ZNF777: variants seen among roughly 807,000 people sequenced by gnomAD.
ZNF777 encodes the protein zinc finger protein 777.
In ZNF777, 7 loss-of-function variants were observed where a neutral mutation model predicts 72.1. The ratio of observed to expected loss-of-function variants is 0.10; its 90% CI spans 0.06 to 0.18. The LOEUF (loss-of-function observed/expected upper bound fraction) is 0.18, where lower values mean the gene tolerates loss of function less well. Among genes scored for constraint, ZNF777 ranks in the 10% least tolerant of loss-of-function variants. ZNF777 has a pLI of 1.00. For missense variants in ZNF777, 828 were observed against 1,128.6 expected, an observed-to-expected ratio of 0.73 and a Z score of 3.82; for synonymous variants, 545 against 483.5, an observed-to-expected ratio of 1.13 and a Z score of -1.67.
chr7:149,448,505 AT>A (rs1563237658), intron 4 of ZNF777, among the ~76,000 whole-genome samples: 12 of 133,890 alleles, frequency 9.0e-5, no homozygotes, highest in South Asian at 2.3e-4. Context: ...ATATATATAT[AT>A]ATATAACTAT....
chr7:149,454,291 A>C, intron 2 of ZNF777, 54 bp from the exon 3 acceptor site: 1 of 1,607,630 alleles, frequency 6.2e-7, no homozygotes, highest in Non-Finnish European at 8.5e-7. Flanking sequence ...TGACAGGCCC[A>C]CGGCTGGCCA....
chr7:149,454,267 C>T (rs1187801766), intron 2 of ZNF777, 30 bp from the exon 3 acceptor site: 1 of 1,613,052 alleles, frequency 6.2e-7, no homozygotes. Context: ...CGGCTCAGAC[C>T]CGCTGGAAGG....
Position 149,455,853 on chromosome 7 carries a change from G to A in ZNF777, c.170C>T (p.Pro57Leu). 1 of 1,614,018 alleles carries A rather than the reference G, an allele frequency of 6.2e-7. No homozygotes were observed. Among genetic ancestry groups the A allele is most frequent in the Non-Finnish European group, 8.5e-7 (1 of 1,180,010 alleles). Residue 57 changes from proline to leucine, a missense_variant, in exon 2 of 6, where the codon CCC (proline) becomes CTC (leucine). Around this residue, in one of 12 missense-constraint regions of ZNF777, gnomAD observed 222 missense variants for 211.2 expected, o/e 1.05. Coordinates refer to ENST00000247930, the MANE Select transcript of ZNF777 (RefSeq NM_015694.3). The surrounding 1 kb of genome is among the most constrained non-coding windows in gnomAD (Gnocchi z 4.2). ...TTGCTTGGGAGCACTGGAAGTTTGGGGCAGGGAGCCTTGACGGGGAATGGT... is the reference window on the plus strand; with the variant it reads ...TTGCTTGGGAGCACTGGAAGTTTGGAGCAGGGAGCCTTGACGGGGAATGGT... ...SPTIPRQGSLPQTSSAPKQET... is the reference protein window; with the variant it reads ...SPTIPRQGSLLQTSSAPKQET...
intron 4 of ZNF777, among the ~76,000 whole-genome samples, chr7:149,443,007 G>C (rs1475187384): frequency 6.6e-6 from 1 of 152,152 alleles, no homozygotes; most frequent in Admixed American, 6.5e-5. Flanking sequence ...GATTTGCCAG[G>C]ATCTATTAAA....
At chr7:149,458,016 C>T (rs1403322470) in intron 1 of ZNF777, among the ~76,000 whole-genome samples, 1 of 152,194 alleles carries the variant, frequency 6.6e-6, no homozygotes, top group Non-Finnish European at 1.5e-5. Flanking sequence ...TCCTTTTTAC[C>T]TCTAAAATCC....
intron 4 of ZNF777, among the ~76,000 whole-genome samples, chr7:149,446,689 C>G (rs1799609175): frequency 6.6e-6 from 1 of 152,082 alleles, no homozygotes; most frequent in South Asian, 2.1e-4. Context: ...TAGCAATCCC[C>G]ATCTTAGGCA....
Position 149,431,645 on chromosome 7 carries a change from G to A in ZNF777, c.*131C>T, listed in dbSNP as rs1364878432. 2.3e-6 allele frequency: 2 copies of A among 861,674 alleles called. No homozygotes were observed. The highest frequency in any genetic ancestry group is 3.2e-6 in the Non-Finnish European group (2 of 633,270). The allele number at this position is 861,674 out of a possible 1,614,324, so 53.4% of individuals were successfully genotyped here. On this transcript the variant is annotated 3_prime_UTR_variant, in exon 6 of 6. Coordinates refer to ENST00000247930, the MANE Select transcript of ZNF777 (RefSeq NM_015694.3). ...CCCATGTCCTTGGGAGGAGGGACGA[G>A]AGGAGAGGGGGAGCTCACGGCAAAG...
intron 4 of ZNF777, among the ~76,000 whole-genome samples, chr7:149,441,376 T>A (rs916679614): frequency 2.0e-5 from 3 of 152,318 alleles, no homozygotes; most frequent in African/African-American, 7.2e-5. Context: ...AACAAAAAAA[T>A]TTATGTATAA....
intron 4 of ZNF777, among the ~76,000 whole-genome samples, chr7:149,444,749 G>A (rs1021372768): frequency 1.3e-5 from 2 of 152,172 alleles, no homozygotes; most frequent in Non-Finnish European, 2.9e-5. Flanking sequence ...AATGTCTGAG[G>A]CCATTCTAAT....
Position 149,432,757 on chromosome 7 carries a change from G to T in ZNF777, c.1515C>A (p.Pro505=). 1 of 1,610,870 alleles carries T rather than the reference G, an allele frequency of 6.2e-7. No homozygotes were observed. The highest frequency in any genetic ancestry group is 1.1e-5 in the South Asian group (1 of 90,942). ...MSPEGEESPP[P]LQLGNPAVKR... is the part of the protein sequence containing the mutation. ...TCACTGCGGGGTTTCCTAGCTGCAG[G>T]GGCGGGGGGCTCTCCTCGCCCTCGG... The change falls in exon 6 of 6, where the codon CCC becomes CCA. Residue 505 remains proline, a synonymous_variant. Coordinates refer to ENST00000247930, the MANE Select transcript of ZNF777 (RefSeq NM_015694.3).
chr7:149,455,667 G>A lies in ZNF777; in HGVS notation c.356C>T (p.Ser119Phe). The change falls in exon 2 of 6, where the codon TCC becomes TTC. Residue 119 changes from serine (S) to phenylalanine (F), a missense_variant. This residue lies in a region of ZNF777 where 222 missense variants were observed against 211.2 expected (regional missense o/e 1.05). Transcript: ENST00000247930. The surrounding 1 kb of genome is among the most constrained non-coding windows in gnomAD (Gnocchi z 4.2). Reference protein sequence around the residue: ...AAAEQEVSLLSHSPHHQEAPV... With the variant: ...AAAEQEVSLLFHSPHHQEAPV... ...GGCTTCCTGGTGGTGGGGGGAGTGG[G>A]AGAGAAGGGAGACTTCTTGTTCAGC... 6.4e-7 allele frequency: 1 copy of A among 1,566,876 alleles called. No homozygotes were observed. Among genetic ancestry groups the A allele is most frequent in the Non-Finnish European group, 8.6e-7 (1 of 1,156,902 alleles).
At chr7:149,452,487 G>A (rs1205246497) in intron 3 of ZNF777, among the ~76,000 whole-genome samples, 1 of 151,166 alleles carries the variant, frequency 6.6e-6, no homozygotes, top group African/African-American at 2.4e-5. Flanking sequence ...AAAAAAATTA[G>A]CCAGGAGCAG....
chr7:149,443,614 C>T lies in ZNF777; in HGVS notation c.1088-6788G>A, dbSNP rs141085488. 9.9e-3 allele frequency among the ~76,000 whole-genome samples: 1,513 copies of T among 152,194 alleles called. 22 individuals are homozygous for T. Among genetic ancestry groups the T allele is most frequent in the African/African-American group, 0.034 (1,422 of 41,530 alleles). On this transcript the variant is annotated intron_variant, in intron 4 of 5. Transcript: ENST00000247930. ...TATACATGCACATAGGCTAGTGGAA[C>T]ATAGTTGAACAGTTCTTCAAAACTT...
At position 149,457,709 on chromosome 7, in the gene ZNF777, C is replaced by T. The variant is rs746640553; in HGVS notation, c.-15-1672G>A. On this transcript the variant is annotated intron_variant, in intron 1 of 5. Coordinates refer to ENST00000247930, the MANE Select transcript of ZNF777 (RefSeq NM_015694.3). ...GATAGTATCGTCTAATAGCCTCTGCCGCGAACCAGACATGAGCGCTAATCA... is the reference window on the plus strand; with the variant it reads ...GATAGTATCGTCTAATAGCCTCTGCTGCGAACCAGACATGAGCGCTAATCA... Among the ~76,000 whole-genome samples the T allele has an allele frequency of 2.6e-3, 397 of 152,294 alleles. 4 individuals carry two copies. Among genetic ancestry groups the T allele is most frequent in the African/African-American group, 9.1e-3 (378 of 41,548 alleles).
chr7:149,452,632 C>CA (rs869183800), intron 3 of ZNF777, among the ~76,000 whole-genome samples: 5,684 of 72,678 alleles, frequency 0.078, 286 homozygotes, highest in Middle Eastern at 0.2. Flanking sequence ...GACTCTGTCT[C>CA]AAAAAAAAAA....
intron 4 of ZNF777, among the ~76,000 whole-genome samples, chr7:149,442,563 T>C (rs1254174713): frequency 1.3e-5 from 2 of 149,156 alleles, no homozygotes; most frequent in African/African-American, 2.5e-5. Flanking sequence ...GAGGTTGCAG[T>C]GAGCTGAGAT....
intron 4 of ZNF777, among the ~76,000 whole-genome samples, chr7:149,444,312 TC>T (rs1473265370): frequency 6.6e-6 from 1 of 152,104 alleles, no homozygotes; most frequent in Non-Finnish European, 1.5e-5. Flanking sequence ...AGCCCCAAAC[TC>T]CCCCAACCTT....
At position 149,454,127 on chromosome 7, in the gene ZNF777, C is replaced by T. The variant is rs773353447; in HGVS notation, c.957G>A (p.Glu319=). 1.2e-6 allele frequency: 2 copies of T among 1,614,122 alleles called. No homozygotes were observed. Among genetic ancestry groups the T allele is most frequent in the Non-Finnish European group, 1.7e-6 (2 of 1,180,046 alleles). ...LYKNVMRGNY[E]SLVSMDYAIS... is the part of the protein sequence containing the mutation. ...TCTCCTTACCCATGGAAACCAGGGA[C>T]TCGTAGTTGCCCCTCATCACGTTCT... Residue 319 remains glutamate, a synonymous_variant, in exon 3 of 6, where the codon GAG becomes GAA. Coordinates refer to ENST00000247930, the MANE Select transcript of ZNF777 (RefSeq NM_015694.3).
intron 4 of ZNF777, among the ~76,000 whole-genome samples, chr7:149,439,102 A>C (rs1799465712): frequency 6.8e-6 from 1 of 147,672 alleles, no homozygotes; most frequent in Admixed American, 6.6e-5. Context: ...ATCTCAGGGA[A>C]AGTAATGTCT....
Sources: gnomAD v4.1 joint callset for allele counts (sites outside exome capture counted in the v4.1 genomes callset) on GRCh38, gnomAD v4.1.1 for gene constraint, gnomAD v4.1.1 regional missense constraint, Gnocchi (gnomAD v3.1) non-coding constraint, MANE v1.5 for transcripts, NCBI Gene and HGNC (gene_info 2026-07-23, HGNC 2026-07-21) for gene names.